Variants in PTGR2 observed in about 807,000 individuals in gnomAD.
The protein encoded by PTGR2 is 15-oxoprostaglandin 13-reductase.
PTGR2 carries 32 observed loss-of-function variants against 43.4 expected under a neutral mutation model. The ratio of observed to expected loss-of-function variants is 0.74; its 90% CI spans 0.56 to 0.99. The LOEUF is 0.99. Ranked by LOEUF, PTGR2 falls within the 50% of genes least tolerant of loss-of-function variation. The pLI is 0.00. For missense variants in PTGR2, 373 were observed against 420.0 expected (o/e 0.89, Z 0.98); for synonymous variants, 106 against 139.2 (o/e 0.76, Z 1.68).
intron 4 of PTGR2, among the ~76,000 whole-genome samples, chr14:73,876,521 G>A (rs2054869844): frequency 1.7e-5 from 2 of 120,850 alleles, no homozygotes; most frequent in East Asian, 2.5e-4. Context: ...TAACTCTGTC[G>A]CCCAGGCTGG....
At chr14:73,869,281 C>A (rs2054670619) in intron 3 of PTGR2, among the ~76,000 whole-genome samples, 1 of 152,120 alleles carries the variant, frequency 6.6e-6, no homozygotes. Context: ...TACTTATAAT[C>A]CCAGCACACT....
chr14:73,857,876 A>G (rs2054397296), intron 1 of PTGR2, among the ~76,000 whole-genome samples: 2 of 151,416 alleles, frequency 1.3e-5, no homozygotes, highest in African/African-American at 4.9e-5. Context: ...TCACCATGTT[A>G]GGCAGGATGG....
At chr14:73,883,188 CTTTTTTTTTTTTTTTTTT>C (rs58234739) in intron 9 of PTGR2, among the ~76,000 whole-genome samples, 1 of 58,120 alleles carries the variant, frequency 1.7e-5, no homozygotes, top group Non-Finnish European at 2.8e-5. Flanking sequence ...CCTCACCTCC[CTTTTTTTTTTTTTTTTTT>C]TTTTTTTTTT....
At chr14:73,880,014 C>T (rs2054944382) in intron 6 of PTGR2, 41 bp from the exon 7 acceptor site, 3 of 1,603,162 alleles carry the variant, frequency 1.9e-6, no homozygotes, top group Admixed American at 3.3e-5. Context: ...AATCAGTAAA[C>T]ATAGGAAAGG....
chr14:73,883,188 C>CTTTTTTTTTT lies in PTGR2; in HGVS notation c.979+773_979+782dup, dbSNP rs58234739. Among the ~76,000 whole-genome samples, 104 of 58,150 alleles carry CTTTTTTTTTT rather than the reference C, an allele frequency of 1.8e-3. 11 individuals are homozygous for CTTTTTTTTTT. Among genetic ancestry groups the CTTTTTTTTTT allele is most frequent in the East Asian group, 9.3e-3 (7 of 752 alleles). 38.1% of individuals were successfully genotyped at this position (58,150 alleles called of 152,430 possible). ...CCTGCCCTTCCCTCCCCTCACCTCC[C>CTTTTTTTTTT]TTTTTTTTTTTTTTTTTTTTTTTTT... On this transcript the variant is annotated intron_variant, in intron 9 of 9. Coordinates refer to ENST00000555661, the MANE Select transcript of PTGR2 (RefSeq NM_001146154.2).
At chr14:73,863,621 T>G (rs1004217692) in intron 3 of PTGR2, among the ~76,000 whole-genome samples, 4 of 148,282 alleles carry the variant, frequency 2.7e-5, no homozygotes, top group Non-Finnish European at 6.0e-5. Context: ...CAGGCTCTCT[T>G]TTTTTTTTTT....
chr14:73,854,301 C>T (rs773673974), intron 1 of PTGR2, among the ~76,000 whole-genome samples: 10 of 151,902 alleles, frequency 6.6e-5, no homozygotes, highest in Non-Finnish European at 8.8e-5. Flanking sequence ...AGAGTTTCAC[C>T]ATGTTGGCCA....
intron 8 of PTGR2, 74 bp from the exon 9 acceptor site, chr14:73,882,325 T>G: frequency 1.1e-6 from 1 of 938,890 alleles, no homozygotes; most frequent in Non-Finnish European, 1.7e-6. Flanking sequence ...TTGCTGGCTT[T>G]TGTAAGTATG....
chr14:73,872,168 T>A (rs2054750508), intron 3 of PTGR2, among the ~76,000 whole-genome samples: 1 of 152,186 alleles, frequency 6.6e-6, no homozygotes, highest in Non-Finnish European at 1.5e-5. Context: ...GTTGTTAGCC[T>A]TCCTCTTGAG....
At chr14:73,870,693 G>A (rs967917576) in intron 3 of PTGR2, among the ~76,000 whole-genome samples, 1 of 151,630 alleles carries the variant, frequency 6.6e-6, no homozygotes, top group Non-Finnish European at 1.5e-5. Context: ...GTCTTACTGT[G>A]TTGGCCAGTC....
At chr14:73,874,946 C>T (rs1244211114) in intron 4 of PTGR2, among the ~76,000 whole-genome samples, 1 of 152,066 alleles carries the variant, frequency 6.6e-6, no homozygotes, top group Non-Finnish European at 1.5e-5. Flanking sequence ...GCAACCTCTG[C>T]CTCCTGGGTT....
intron 3 of PTGR2, among the ~76,000 whole-genome samples, chr14:73,863,734 CCTCCCGAGTAG>C (rs1021335087): frequency 6.6e-6 from 1 of 151,864 alleles, no homozygotes; most frequent in Non-Finnish European, 1.5e-5. Context: ...CATGCCTCAA[CCTCCCGAGTAG>C]CTGGGATTAA....
At chr14:73,869,477 A>G (rs553670445) in intron 3 of PTGR2, among the ~76,000 whole-genome samples, 15 of 149,338 alleles carry the variant, frequency 1.0e-4, no homozygotes, top group African/African-American at 2.5e-4. Context: ...GAGCCCGGGA[A>G]GTGGGAGGAT....
chr14:73,876,865 G>A, intron 4 of PTGR2, 133 bp from the exon 5 acceptor site: 1 of 601,208 alleles, frequency 1.7e-6, no homozygotes, highest in East Asian at 2.8e-5. Flanking sequence ...TCCAAATAAA[G>A]TCACACTGGG....
intron 1 of PTGR2, among the ~76,000 whole-genome samples, chr14:73,854,096 T>C (rs1318510857): frequency 6.6e-6 from 1 of 152,046 alleles, no homozygotes; most frequent in Non-Finnish European, 1.5e-5. Context: ...ATTTTATTTA[T>C]TTTTATTATT....
chr14:73,877,102 T>G lies in PTGR2; in HGVS notation c.453T>G (p.Thr151=). Residue 151 remains threonine (T), a synonymous_variant, in exon 5 of 10, where the codon ACT becomes ACG. Transcript: ENST00000555661. Reference sequence around the variant, plus strand: ...GGATACAGGAAAAAGGTCATATAACTGCTGGATCTAATAAGACAATGGTTG... The same window carrying G: ...GGATACAGGAAAAAGGTCATATAACGGCTGGATCTAATAAGACAATGGTTG... The part of the protein sequence containing the change: ...LIGIQEKGHI[T]AGSNKTMVVS... 1 of 1,614,102 alleles carries G rather than the reference T, an allele frequency of 6.2e-7. No homozygotes were observed.
At chr14:73,881,840 G>GT (rs2054997853) in intron 8 of PTGR2, among the ~76,000 whole-genome samples, 2 of 136,550 alleles carry the variant, frequency 1.5e-5, no homozygotes, top group African/African-American at 5.6e-5. Flanking sequence ...CTGTAGTGCA[G>GT]TGGCGCAATC....
At chr14:73,872,116 G>A (rs1295903877) in intron 3 of PTGR2, among the ~76,000 whole-genome samples, 2 of 152,190 alleles carry the variant, frequency 1.3e-5, no homozygotes, top group Non-Finnish European at 2.9e-5. Flanking sequence ...AGAGGCAAGA[G>A]TGAGCCACAG....
At chr14:73,868,007 C>G (rs973445743) in intron 3 of PTGR2, among the ~76,000 whole-genome samples, 2 of 152,156 alleles carry the variant, frequency 1.3e-5, no homozygotes, top group African/African-American at 2.4e-5. Context: ...ATAACCTGGG[C>G]TAGGCACGGT....
Sources: allele counts gnomAD v4.1 joint callset (sites outside exome capture counted in the v4.1 genomes callset), GRCh38; gene constraint gnomAD v4.1.1; transcripts MANE v1.5; gene names NCBI Gene and HGNC (gene_info 2026-07-23, HGNC 2026-07-21).